EHBP1: variants seen among roughly 807,000 people sequenced by gnomAD.
EHBP1 encodes EH domain binding protein 1.
A neutral mutation model predicts 144.0 loss-of-function variants in EHBP1; 55 were observed. The ratio of observed to expected loss-of-function variants is 0.38; its 90% CI spans 0.31 to 0.48. EHBP1 has a LOEUF of 0.48. EHBP1 is among the 20% of genes least tolerant of loss of function. The probability of loss-of-function intolerance (pLI) is 0.98; values close to 1 mark genes in which losing one functional copy is unlikely to be tolerated. For missense variants in EHBP1, 1,200 were observed against 1,364.2 expected, an observed-to-expected ratio of 0.88 and a Z score of 1.90; for synonymous variants, 469 against 472.7, an observed-to-expected ratio of 0.99 and a Z score of 0.10.
In EHBP1 at chr2:63,037,628, C is replaced by A; in HGVS notation, c.3197C>A (p.Ser1066Tyr). 1 of 1,582,432 alleles carries A rather than the reference C, an allele frequency of 6.3e-7. No individual in the cohort carries two copies. The highest frequency in any genetic ancestry group is 1.1e-5 in the South Asian group (1 of 87,906). Residue 1066 changes from serine (S) to tyrosine (Y), a missense_variant, in exon 20 of 23, where the codon TCT (serine) becomes TAT (tyrosine). Ser to Tyr is a moderately radical substitution (Grantham distance 144). Transcript: ENST00000431489. ...NALIRRMNQLSLLEKEHDLER... is the reference protein window; with the variant it reads ...NALIRRMNQLYLLEKEHDLER... ...TTAATAAGGAGAATGAATCAGCTCT[C>A]TCTTCTGTAAGTACTCATCATTATG...
intron 19 of EHBP1, among the ~76,000 whole-genome samples, chr2:63,019,448 C>T (rs189796889): frequency 1.3e-5 from 2 of 152,252 alleles, no homozygotes; most frequent in Admixed American, 1.3e-4. Flanking sequence ...CAGTGGCTCA[C>T]GTCTGTAATC....
intron 5 of EHBP1, among the ~76,000 whole-genome samples, chr2:62,785,162 C>G (rs2042716305): frequency 6.6e-6 from 1 of 152,032 alleles, no homozygotes; most frequent in Non-Finnish European, 1.5e-5. Flanking sequence ...ATTTTCTGTT[C>G]TATCCTGATG....
At chr2:62,835,618 C>T (rs1313845323) in intron 7 of EHBP1, among the ~76,000 whole-genome samples, 1 of 152,080 alleles carries the variant, frequency 6.6e-6, no homozygotes, top group East Asian at 1.9e-4. Flanking sequence ...ACAGTGGGCG[C>T]AGGCCAGTGG....
chr2:62,682,123 G>A (rs1041064641), intron 1 of EHBP1, among the ~76,000 whole-genome samples: 1 of 152,230 alleles, frequency 6.6e-6, no homozygotes, highest in Non-Finnish European at 1.5e-5. Context: ...CATTCAGAAG[G>A]AGGCTGGATA....
intron 7 of EHBP1, among the ~76,000 whole-genome samples, chr2:62,839,742 C>T (rs1573636700): frequency 2.0e-5 from 3 of 152,242 alleles, no homozygotes. Flanking sequence ...TTCACAATTG[C>T]TTCAAAGAGA....
rs1387915173 is a variant in EHBP1, at chr2:62,769,815, AAG to A, written c.259-1523_259-1522del. The stretch of plus-strand genomic sequence containing the variant: ...ACTGGTAAAAAAAAAAAAAAAAAAA[AAG>A]CAGGCATGTAGACTAATGGAACAGA... On this transcript the variant is annotated intron_variant, in intron 4 of 22. Transcript: ENST00000431489. Among the ~76,000 whole-genome samples the A allele has an allele frequency of 5.2e-3, 646 of 123,368 alleles. 6 individuals carry two copies. Among genetic ancestry groups the A allele is most frequent in the East Asian group, 0.037 (141 of 3,778 alleles). The allele number at this position is 123,368 out of a possible 152,430, so 80.9% of individuals were successfully genotyped here. A position where few individuals can be genotyped will look rare whatever the true frequency, so the allele number is the denominator to read the frequency against.
chr2:62,821,671 C>T (rs2045990816), intron 5 of EHBP1, among the ~76,000 whole-genome samples: 1 of 152,040 alleles, frequency 6.6e-6, no homozygotes, highest in Admixed American at 6.6e-5. Context: ...CAGAGTGAGA[C>T]CGTGGCTCAA....
chr2:62,990,685 C>T (rs746733898), intron 15 of EHBP1, 31 bp from the exon 16 acceptor site: 84 of 1,608,836 alleles, frequency 5.2e-5, no homozygotes, highest in Non-Finnish European at 7.1e-5. Flanking sequence ...GCATCTCACT[C>T]AGTTATTCAT....
intron 19 of EHBP1, among the ~76,000 whole-genome samples, chr2:63,036,796 A>T (rs17598881): frequency 0.088 from 13,352 of 151,914 alleles, 775 homozygotes; most frequent in Non-Finnish European, 0.13. Flanking sequence ...TTTGTGAGGA[A>T]GTGGCAGGGT....
chr2:62,917,343 C>T (rs1558910019), intron 10 of EHBP1, among the ~76,000 whole-genome samples: 1 of 152,118 alleles, frequency 6.6e-6, no homozygotes, highest in South Asian at 2.1e-4. Flanking sequence ...AGTAAAAATA[C>T]AGTATTGCAA....
At position 62,753,177 on chromosome 2, in the gene EHBP1, G is replaced by C. The variant is rs531308829; in HGVS notation, c.162+5725G>C. Among the ~76,000 whole-genome samples the C allele has an allele frequency of 7.3e-4, 111 of 152,252 alleles. 1 individual carries two copies. In the South Asian group the frequency reaches 0.017, roughly 24 times the overall value. Reference sequence around the variant, plus strand: ...TGTATGTTTAGTGCTTCCTTCATGAGCTCTTGTAGGGCAGGCCTGATGGTG... The same window carrying C: ...TGTATGTTTAGTGCTTCCTTCATGACCTCTTGTAGGGCAGGCCTGATGGTG... On this transcript the variant is annotated intron_variant, in intron 3 of 22. Coordinates refer to ENST00000431489, the MANE Select transcript of EHBP1 (RefSeq NM_001142616.3).
At chr2:62,878,352 C>T (rs1241889683) in intron 10 of EHBP1, among the ~76,000 whole-genome samples, 1 of 152,126 alleles carries the variant, frequency 6.6e-6, no homozygotes, top group Non-Finnish European at 1.5e-5. Flanking sequence ...AAGCCTTGGA[C>T]TAGACAGATT....
intron 19 of EHBP1, among the ~76,000 whole-genome samples, chr2:63,003,196 T>C (rs2059914697): frequency 6.6e-6 from 1 of 152,034 alleles, no homozygotes; most frequent in Non-Finnish European, 1.5e-5. Context: ...ATATAAGTAT[T>C]AATTAAATAA....
intron 16 of EHBP1, among the ~76,000 whole-genome samples, chr2:62,992,719 T>C (rs1316289087): frequency 2.0e-5 from 3 of 152,144 alleles, no homozygotes; most frequent in South Asian, 4.1e-4. Context: ...GGCTAGAGAA[T>C]AGGCCATTGG....
At chr2:62,838,746 A>G (rs2047523268) in intron 7 of EHBP1, among the ~76,000 whole-genome samples, 1 of 151,348 alleles carries the variant, frequency 6.6e-6, no homozygotes, top group African/African-American at 2.4e-5. Flanking sequence ...TCTAGAAGAA[A>G]TGGATACATT....
intron 5 of EHBP1, among the ~76,000 whole-genome samples, chr2:62,825,727 T>C (rs1403190329): frequency 6.6e-6 from 1 of 151,940 alleles, no homozygotes; most frequent in East Asian, 1.9e-4. Context: ...GCAAAGCAAA[T>C]AACTGTTGAG....
chr2:62,889,560 T>G (rs1430264778), intron 10 of EHBP1, among the ~76,000 whole-genome samples: 1 of 152,176 alleles, frequency 6.6e-6, no homozygotes, highest in Non-Finnish European at 1.5e-5. Context: ...TAATCTATCT[T>G]GAGTTAATTT....
intron 10 of EHBP1, among the ~76,000 whole-genome samples, chr2:62,894,531 C>T (rs1005705211): frequency 2.6e-5 from 4 of 152,070 alleles, no homozygotes; most frequent in African/African-American, 9.7e-5. Context: ...TCAACAGGAA[C>T]AGGTGGGCAA....
chr2:62,774,855 A>C (rs1246621097), intron 5 of EHBP1, among the ~76,000 whole-genome samples: 1 of 152,188 alleles, frequency 6.6e-6, no homozygotes, highest in Non-Finnish European at 1.5e-5. Context: ...AAACAAAACA[A>C]AACAAAAAAA....
Sources: allele counts gnomAD v4.1 joint callset (sites outside exome capture counted in the v4.1 genomes callset), GRCh38; gene constraint gnomAD v4.1.1; transcripts MANE v1.5; gene names NCBI Gene and HGNC (gene_info 2026-07-23, HGNC 2026-07-21).